The following PLCE1 variants were observed in gnomAD, a reference collection of about 807,000 sequenced individuals.
PLCE1 encodes 1-phosphatidylinositol 4,5-bisphosphate phosphodiesterase epsilon-1.
PLCE1 carries 119 observed loss-of-function variants against 242.8 expected under a neutral mutation model. The ratio of observed to expected loss-of-function variants is 0.49; its 90% CI spans 0.42 to 0.57. The LOEUF is 0.57. Ranked by LOEUF, PLCE1 falls within the 20% of genes least tolerant of loss-of-function variation. The pLI, the probability that PLCE1 is intolerant of heterozygous loss-of-function variation, is 0.00. For synonymous variants in PLCE1, 945 were observed against 1,017.4 expected (o/e 0.93, Z 1.35); for missense variants, 2,441 against 2,788.8 (o/e 0.88, Z 2.81).
At chr10:94,208,355 G>A (rs2049229942) in intron 4 of PLCE1, among the ~76,000 whole-genome samples, 1 of 152,200 alleles carries the variant, frequency 6.6e-6, no homozygotes, top group Non-Finnish European at 1.5e-5. Context: ...CAGGCTGAGG[G>A]CCATCCTACA....
At chr10:94,319,807 G>A (rs1029757903) in intron 29 of PLCE1, among the ~76,000 whole-genome samples, 5 of 150,086 alleles carry the variant, frequency 3.3e-5, no homozygotes, top group South Asian at 2.1e-4. Flanking sequence ...CTGTGGCTTC[G>A]AACTAATGTG....
intron 4 of PLCE1, among the ~76,000 whole-genome samples, chr10:94,183,149 A>G (rs2048363607): frequency 6.6e-6 from 1 of 152,200 alleles, no homozygotes; most frequent in Admixed American, 6.5e-5. Flanking sequence ...CTGCTCTTTG[A>G]AAAACCACTT....
intron 4 of PLCE1, among the ~76,000 whole-genome samples, chr10:94,221,953 G>A (rs1240344536): frequency 2.0e-5 from 3 of 152,130 alleles, no homozygotes; most frequent in Non-Finnish European, 4.4e-5. Flanking sequence ...GAACAGCACT[G>A]GGAAGTGTTC....
chr10:94,221,162 T>C (rs1332468268), intron 4 of PLCE1, among the ~76,000 whole-genome samples: 1 of 152,142 alleles, frequency 6.6e-6, no homozygotes, highest in Non-Finnish European at 1.5e-5. Context: ...AAAATGCAAA[T>C]TATTGATCTC....
Position 94,199,907 on chromosome 10 carries a change from A to C in PLCE1, c.1810-27399A>C, listed in dbSNP as rs1224354880. ...GCAGCAAAGAGGGCTAATATGCTCCACTATGGTGAGTCTGGGAGAGTTGGT... is the reference window on the plus strand; with the variant it reads ...GCAGCAAAGAGGGCTAATATGCTCCCCTATGGTGAGTCTGGGAGAGTTGGT... On this transcript the variant is annotated intron_variant, in intron 4 of 32. Transcript: ENST00000371380. Among the ~76,000 whole-genome samples the C allele has an allele frequency of 3.3e-5, 5 of 152,182 alleles. No individual in the cohort carries two copies. The South Asian group carries it at 1.0e-3, about 31-fold the overall frequency.
chr10:94,245,095 G>A (rs142781124), intron 7 of PLCE1, among the ~76,000 whole-genome samples: 1 of 152,258 alleles, frequency 6.6e-6, no homozygotes, highest in African/African-American at 2.4e-5. Flanking sequence ...AGTATATTCA[G>A]ATCATGACTT....
intron 2 of PLCE1, among the ~76,000 whole-genome samples, chr10:94,131,969 C>T (rs2046611024): frequency 6.6e-6 from 1 of 152,136 alleles, no homozygotes; most frequent in Non-Finnish European, 1.5e-5. Flanking sequence ...TTTGAATGAC[C>T]TATTTTATAA....
chr10:94,247,933 A>G (rs1237975070), intron 8 of PLCE1, among the ~76,000 whole-genome samples: 8 of 152,198 alleles, frequency 5.3e-5, no homozygotes, highest in African/African-American at 1.9e-4. Context: ...TCATTCTCAA[A>G]TGAGTTGTGT....
chr10:94,181,711 C>T (rs993800345), intron 4 of PLCE1, among the ~76,000 whole-genome samples: 5 of 152,088 alleles, frequency 3.3e-5, no homozygotes, highest in Non-Finnish European at 7.4e-5. Context: ...GAGTTCAAGA[C>T]AAACCAGAAG....
At chr10:94,121,608 A>T (rs138186264) in intron 2 of PLCE1, among the ~76,000 whole-genome samples, 1 of 152,314 alleles carries the variant, frequency 6.6e-6, no homozygotes, top group Non-Finnish European at 1.5e-5. Context: ...TATTTATAAC[A>T]ACTCTGTTAT....
chr10:94,304,895 G>T (rs1222414194), intron 25 of PLCE1, among the ~76,000 whole-genome samples: 7 of 152,192 alleles, frequency 4.6e-5, no homozygotes, highest in Admixed American at 4.6e-4. Flanking sequence ...ATGTTCTGAT[G>T]ATGGTAACTC....
At chr10:94,311,035 A>T (rs2053371016) in intron 27 of PLCE1, among the ~76,000 whole-genome samples, 2 of 152,178 alleles carry the variant, frequency 1.3e-5, no homozygotes, top group South Asian at 4.1e-4. Flanking sequence ...TCACCAGTTG[A>T]TCAGAACAGA....
intron 19 of PLCE1, among the ~76,000 whole-genome samples, chr10:94,278,920 A>G (rs2133239737): frequency 6.6e-6 from 1 of 152,194 alleles, no homozygotes; most frequent in Admixed American, 6.5e-5. Context: ...TGTATATATA[A>G]TCTATATAGT....
intron 2 of PLCE1, among the ~76,000 whole-genome samples, chr10:94,087,747 C>A (rs2135322613): frequency 6.6e-6 from 1 of 152,262 alleles, no homozygotes; most frequent in Middle Eastern, 3.4e-3. Flanking sequence ...CTGTCCCCAA[C>A]CTCCTAATAT....
At chr10:94,327,480 CAGG>C (rs986803098) in intron 32 of PLCE1, among the ~76,000 whole-genome samples, 3 of 152,144 alleles carry the variant, frequency 2.0e-5, no homozygotes, top group African/African-American at 4.8e-5. Context: ...GAGGCTGAGG[CAGG>C]AGAATTGCTT....
At chr10:94,118,903 C>A (rs1474830304) in intron 2 of PLCE1, among the ~76,000 whole-genome samples, 1 of 152,134 alleles carries the variant, frequency 6.6e-6, no homozygotes, top group Admixed American at 6.5e-5. Flanking sequence ...CACGACCCGT[C>A]CATTTTTTTG....
At chr10:94,050,710 AG>A (rs1413724759) in intron 2 of PLCE1, among the ~76,000 whole-genome samples, 3 of 152,172 alleles carry the variant, frequency 2.0e-5, no homozygotes, top group Admixed American at 6.5e-5. Context: ...AAAATTTAAA[AG>A]AAAACAAAAA....
At chr10:94,211,666 A>C (rs1184729795) in intron 4 of PLCE1, among the ~76,000 whole-genome samples, 1 of 152,206 alleles carries the variant, frequency 6.6e-6, no homozygotes, top group Non-Finnish European at 1.5e-5. Flanking sequence ...GTCTAAAGAA[A>C]AATCTTCCTT....
chr10:94,032,271 T>C lies in PLCE1; in HGVS notation c.1206+19T>C, dbSNP rs1462653053. The C allele has an allele frequency of 6.2e-7, 1 of 1,611,888 alleles. No homozygotes were observed. The highest frequency in any genetic ancestry group is 1.1e-5 in the South Asian group (1 of 90,808). ...GTATCCTGTAAGCATTTGAGTTTCT[T>C]TTTACCATTTCTTTAAACTTGCTTT... On this transcript the variant is annotated intron_variant, in intron 2 of 32. Coordinates refer to ENST00000371380, the MANE Select transcript of PLCE1 (RefSeq NM_016341.4).
Sources: gnomAD v4.1 joint callset for allele counts (sites outside exome capture counted in the v4.1 genomes callset) on GRCh38, gnomAD v4.1.1 for gene constraint, MANE v1.5 for transcripts, NCBI Gene and HGNC (gene_info 2026-07-23, HGNC 2026-07-21) for gene names.